Variants in NWD2 observed in about 807,000 individuals in gnomAD.
NWD2 encodes the protein NACHT and WD repeat domain containing 2, also known as NACHT and WD repeat domain-containing protein 2.
NWD2 carries 37 observed loss-of-function variants against 132.7 expected under a neutral mutation model. That is an observed-to-expected ratio of 0.28 (90% CI 0.21 to 0.37). The LOEUF is 0.37. Among genes scored for constraint, NWD2 ranks in the 10% least tolerant of loss-of-function variants. The probability of loss-of-function intolerance (pLI) is 1.00; values close to 1 mark genes in which losing one functional copy is unlikely to be tolerated. For missense variants in NWD2, 1,592 were observed against 2,122.4 expected (o/e 0.75, Z 4.91); for synonymous variants, 705 against 803.0 (o/e 0.88, Z 2.06).
At chr4:37,294,461 A>G (rs1191557077) in intron 1 of NWD2, among the ~76,000 whole-genome samples, 1 of 152,152 alleles carries the variant, frequency 6.6e-6, no homozygotes. Context: ...CCATAGGAGC[A>G]GCTAAGAAGG....
In NWD2 at chr4:37,289,446, C is replaced by T. The variant is rs149034583; in HGVS notation, c.152-36490C>T. Among the ~76,000 whole-genome samples, 30 of 152,220 alleles carry T rather than the reference C, an allele frequency of 2.0e-4. No homozygotes were observed. The East Asian group carries it at 5.6e-3, about 28-fold the overall frequency. ...AAAGTTGAAAGAATTGTACAGTAAA[C>T]ACTTATATACTTACCCCCAAGATTC... On this transcript the variant is annotated intron_variant, in intron 1 of 6. Coordinates refer to ENST00000309447, the MANE Select transcript of NWD2 (RefSeq NM_001144990.2).
At chr4:37,249,285 T>A (rs1204597269) in intron 1 of NWD2, among the ~76,000 whole-genome samples, 2 of 152,204 alleles carry the variant, frequency 1.3e-5, no homozygotes, top group African/African-American at 4.8e-5. Context: ...ACCAGATGGA[T>A]TGGGGAAAAC....
Position 37,447,371 on chromosome 4 carries a change from T to A in NWD2, c.*154T>A. 1.6e-6 allele frequency: 1 copy of A among 637,962 alleles called. No homozygotes were observed. Among genetic ancestry groups the A allele is most frequent in the Non-Finnish European group, 2.7e-6 (1 of 372,938 alleles). The allele number at this position is 637,962 out of a possible 1,614,324, so 39.5% of individuals were successfully genotyped here. A position where few individuals can be genotyped will look rare whatever the true frequency, so the allele number is the denominator to read the frequency against. On this transcript the variant is annotated 3_prime_UTR_variant, in exon 7 of 7. Coordinates refer to ENST00000309447, the MANE Select transcript of NWD2 (RefSeq NM_001144990.2). ...ATGTTCATGAAATGGACAAATAGGTTAGTCTTGGGTGTGGTCTTTTTGTCA... is the reference window on the plus strand; with the variant it reads ...ATGTTCATGAAATGGACAAATAGGTAAGTCTTGGGTGTGGTCTTTTTGTCA...
At chr4:37,437,385 G>C (rs1398437828) in intron 5 of NWD2, among the ~76,000 whole-genome samples, 2 of 152,120 alleles carry the variant, frequency 1.3e-5, no homozygotes, top group Non-Finnish European at 2.9e-5. Flanking sequence ...CATTCATAAA[G>C]GCTCTGCCCT....
At chr4:37,269,354 A>G (rs571332103) in intron 1 of NWD2, among the ~76,000 whole-genome samples, 35 of 152,058 alleles carry the variant, frequency 2.3e-4, no homozygotes, top group Non-Finnish European at 4.4e-4. Flanking sequence ...AAGTAAAAAA[A>G]TGGAAGCTTA....
chr4:37,367,371 A>G (rs1436404587), intron 3 of NWD2, among the ~76,000 whole-genome samples: 1 of 152,198 alleles, frequency 6.6e-6, no homozygotes, highest in African/African-American at 2.4e-5. Context: ...AATGCTTAGA[A>G]AAAACAGAAA....
chr4:37,411,462 TAAC>T (rs1299787807), intron 3 of NWD2, among the ~76,000 whole-genome samples: 2 of 152,080 alleles, frequency 1.3e-5, no homozygotes, highest in Non-Finnish European at 2.9e-5. Flanking sequence ...AATAAACCAA[TAAC>T]AAGTTCTGAA....
Position 37,444,072 on chromosome 4 carries a change from C to T in NWD2, c.2084C>T (p.Thr695Ile), listed in dbSNP as rs867747769. 1 of 1,551,736 alleles carries T rather than the reference C, an allele frequency of 6.4e-7. No individual in the cohort carries two copies. The highest frequency in any genetic ancestry group is 2.4e-5 in the East Asian group (1 of 40,922). The change falls in exon 7 of 7, where the codon ACC becomes ATC. Residue 695 changes from threonine to isoleucine, a missense_variant. Thr to Ile is a moderately conservative substitution (Grantham distance 89, BLOSUM62 -1). Coordinates refer to ENST00000309447, the MANE Select transcript of NWD2 (RefSeq NM_001144990.2). This position sits in a 1 kb window ranked among gnomAD's most constrained non-coding sequence, Gnocchi z 4.8. ...NSVMSELKENTRPSNPLRVPY... is the reference protein window; with the variant it reads ...NSVMSELKENIRPSNPLRVPY... Reference sequence around the variant, plus strand: ...GTAATGAGTGAGCTCAAAGAAAACACCAGACCCAGCAATCCCCTGAGAGTA... The same window carrying T: ...GTAATGAGTGAGCTCAAAGAAAACATCAGACCCAGCAATCCCCTGAGAGTA...
intron 1 of NWD2, among the ~76,000 whole-genome samples, chr4:37,290,563 A>G (rs1577657212): frequency 1.3e-5 from 2 of 152,332 alleles, no homozygotes; most frequent in East Asian, 3.9e-4. Context: ...AACTGCCTTT[A>G]AGCAAATTAT....
chr4:37,291,661 A>G (rs1396250671), intron 1 of NWD2, among the ~76,000 whole-genome samples: 1 of 152,088 alleles, frequency 6.6e-6, no homozygotes, highest in East Asian at 1.9e-4. Flanking sequence ...TCACACTGAT[A>G]ATAATATTAA....
At chr4:37,318,602 C>G (rs752391257) in intron 1 of NWD2, among the ~76,000 whole-genome samples, 2 of 152,092 alleles carry the variant, frequency 1.3e-5, no homozygotes, top group African/African-American at 2.4e-5. Context: ...CTACCTCCCC[C>G]ACAGAAGTCC....
At chr4:37,421,544 A>G (rs1432274680) in intron 3 of NWD2, among the ~76,000 whole-genome samples, 1 of 152,374 alleles carries the variant, frequency 6.6e-6, no homozygotes, top group East Asian at 1.9e-4. Flanking sequence ...TTTAATAACT[A>G]TAATTAAACC....
chr4:37,333,602 A>G (rs1206914619), intron 2 of NWD2, among the ~76,000 whole-genome samples: 1 of 152,184 alleles, frequency 6.6e-6, no homozygotes, highest in Non-Finnish European at 1.5e-5. Context: ...AAACCTTCCC[A>G]AGAATGACAG....
chr4:37,364,449 G>A (rs1341775627), intron 3 of NWD2, among the ~76,000 whole-genome samples: 2 of 151,966 alleles, frequency 1.3e-5, no homozygotes, highest in African/African-American at 2.4e-5. Flanking sequence ...CATTTAGAGG[G>A]GTGTTCCCAT....
At chr4:37,275,365 A>G (rs1717985745) in intron 1 of NWD2, among the ~76,000 whole-genome samples, 1 of 152,142 alleles carries the variant, frequency 6.6e-6, no homozygotes, top group Non-Finnish European at 1.5e-5. Context: ...AATCCAACTT[A>G]CAAGGGATGT....
rs891430867 is a variant in NWD2, at chr4:37,445,305, G to T, written c.3317G>T (p.Cys1106Phe). Residue 1106 changes from cysteine (C) to phenylalanine (F), a missense_variant, in exon 7 of 7, where the codon TGC becomes TTC. Around this residue, in one of 7 missense-constraint regions of NWD2, gnomAD observed 1,071 missense variants for 1,398.0 expected, o/e 0.77. Coordinates refer to ENST00000309447, the MANE Select transcript of NWD2 (RefSeq NM_001144990.2). This position sits in a 1 kb window ranked among gnomAD's most constrained non-coding sequence, Gnocchi z 4.7. ...HCWYEVTCVQ[C>F]SLDGLYAFCG... ...TGGTATGAAGTGACGTGCGTCCAGT[G>T]CTCCCTGGATGGTCTGTATGCTTTC... 6.4e-7 allele frequency: 1 copy of T among 1,552,098 alleles called. No individual in the cohort carries two copies. The highest frequency in any genetic ancestry group is 8.7e-7 in the Non-Finnish European group (1 of 1,147,080).
intron 1 of NWD2, among the ~76,000 whole-genome samples, chr4:37,256,031 G>A (rs1440398719): frequency 6.6e-6 from 1 of 152,228 alleles, no homozygotes; most frequent in East Asian, 1.9e-4. Flanking sequence ...TCCCAAAAGA[G>A]TAGGACATAT....
At chr4:37,413,222 T>G (rs1264841571) in intron 3 of NWD2, among the ~76,000 whole-genome samples, 1 of 152,172 alleles carries the variant, frequency 6.6e-6, no homozygotes, top group African/African-American at 2.4e-5. Context: ...AATCTATCCA[T>G]CTGACAAAGG....
At chr4:37,262,769 G>GT (rs199883748) in intron 1 of NWD2, among the ~76,000 whole-genome samples, 1,846 of 152,190 alleles carry the variant, frequency 0.012, 29 homozygotes, top group East Asian at 0.084. Context: ...AGAGGGAAAG[G>GT]TTTTCTGTTC....
Sources: gnomAD v4.1 joint callset for allele counts (sites outside exome capture counted in the v4.1 genomes callset) on GRCh38, gnomAD v4.1.1 for gene constraint, gnomAD v4.1.1 regional missense constraint, Gnocchi (gnomAD v3.1) non-coding constraint, MANE v1.5 for transcripts, NCBI Gene and HGNC (gene_info 2026-07-23, HGNC 2026-07-21) for gene names.